The following CFDP1 variants were observed in gnomAD, a reference collection of about 807,000 sequenced individuals.
CFDP1 encodes chromatin remodeling protein CFDP1, also known as heterochromatin-stabilizing protein CFDP1.
In CFDP1, 31 loss-of-function variants were observed where a neutral mutation model predicts 40.1. The observed-to-expected ratio is 0.77, with a 90% CI of 0.58 to 1.04. The LOEUF is 1.04. CFDP1 is among the 50% of genes least tolerant of loss of function. The pLI is 0.00. For synonymous variants in CFDP1, 167 were observed against 120.0 expected (o/e 1.39, Z -2.56); for missense variants, 423 against 343.4 (o/e 1.23, Z -1.83).
intron 5 of CFDP1, among the ~76,000 whole-genome samples, chr16:75,354,869 C>G (rs1286088588): frequency 6.6e-6 from 1 of 152,074 alleles, no homozygotes; most frequent in Non-Finnish European, 1.5e-5. Flanking sequence ...TGTACCACTG[C>G]CAAATATAAG....
intron 5 of CFDP1, among the ~76,000 whole-genome samples, chr16:75,327,290 C>G (rs1039493072): frequency 2.0e-5 from 3 of 151,888 alleles, no homozygotes; most frequent in African/African-American, 7.3e-5. Flanking sequence ...AAACAAAAAA[C>G]CAGGGGAATA....
chr16:75,339,945 TCTTTG>T (rs2078515302), intron 5 of CFDP1, among the ~76,000 whole-genome samples: 1 of 152,226 alleles, frequency 6.6e-6, no homozygotes, highest in South Asian at 2.1e-4. Context: ...CAATCCATTT[TCTTTG>T]CTTTGCTTAC....
intron 5 of CFDP1, among the ~76,000 whole-genome samples, chr16:75,367,902 C>T (rs765459785): frequency 1.3e-3 from 197 of 151,700 alleles, no homozygotes; most frequent in Admixed American, 2.2e-3. Flanking sequence ...GTCAGGAGTT[C>T]GAGACCAGCC....
At chr16:75,296,516 G>C (rs1264004423) in intron 6 of CFDP1, among the ~76,000 whole-genome samples, 2 of 152,188 alleles carry the variant, frequency 1.3e-5, no homozygotes, top group Admixed American at 6.5e-5. Flanking sequence ...TTACAGGTGA[G>C]AGCCATCGGG....
intron 4 of CFDP1, among the ~76,000 whole-genome samples, chr16:75,398,421 C>A (rs180690967): frequency 5.3e-5 from 8 of 152,266 alleles, no homozygotes; most frequent in South Asian, 4.1e-4. Context: ...GTGTCATCAC[C>A]CCTTGAAAGT....
chr16:75,341,342 G>A (rs2078525336), intron 5 of CFDP1, among the ~76,000 whole-genome samples: 1 of 152,138 alleles, frequency 6.6e-6, no homozygotes, highest in South Asian at 2.1e-4. Context: ...AGTCCACAGT[G>A]GGATTCAAAG....
At chr16:75,328,815 A>G (rs2078423824) in intron 5 of CFDP1, among the ~76,000 whole-genome samples, 1 of 149,574 alleles carries the variant, frequency 6.7e-6, no homozygotes, top group East Asian at 2.0e-4. Context: ...AGTAGCTGGG[A>G]TTACAGGCAC....
chr16:75,371,612 T>C (rs2078751781), intron 5 of CFDP1, among the ~76,000 whole-genome samples: 1 of 152,208 alleles, frequency 6.6e-6, no homozygotes, highest in African/African-American at 2.4e-5. Flanking sequence ...TTTTAGTACA[T>C]AAAAATATTA....
chr16:75,420,523 A>G (rs946969888), intron 1 of CFDP1, among the ~76,000 whole-genome samples: 10 of 152,234 alleles, frequency 6.6e-5, no homozygotes, highest in Admixed American at 2.6e-4. Flanking sequence ...GCCATTATAG[A>G]AAGGGGAGTG....
intron 1 of CFDP1, among the ~76,000 whole-genome samples, chr16:75,425,203 C>G (rs560767243): frequency 6.6e-6 from 1 of 151,802 alleles, no homozygotes. Context: ...GATACTTTTT[C>G]GAGAGATGAA....
At chr16:75,348,185 C>A (rs2078583448) in intron 5 of CFDP1, among the ~76,000 whole-genome samples, 1 of 152,088 alleles carries the variant, frequency 6.6e-6, no homozygotes, top group African/African-American at 2.4e-5. Context: ...AGTGGTGATT[C>A]ACAGGAGTGA....
chr16:75,412,862 C>T (rs1387034715), intron 2 of CFDP1, 108 bp from the exon 3 acceptor site: 1 of 784,248 alleles, frequency 1.3e-6, no homozygotes, highest in Non-Finnish European at 2.1e-6. Flanking sequence ...ACTTTAAATT[C>T]TGGGACTACT....
rs1309519585 is a variant in CFDP1 at position 75,411,893 on chromosome 16, T to C, written c.462A>G (p.Leu154=). 17 of 1,612,358 alleles carry C rather than the reference T, an allele frequency of 1.1e-5. No homozygotes were observed. In the Admixed American group the frequency reaches 2.8e-4, roughly 27 times the overall value. ...CTTTTTCTGTTTCTTTAGGTTTCTCTAGCTCTTCTGCTTTTACCAACAATT... is the reference window on the plus strand; with the variant it reads ...CTTTTTCTGTTTCTTTAGGTTTCTCCAGCTCTTCTGCTTTTACCAACAATT... ...SSKLLVKAEE[L]EKPKETEKVK... is the part of the protein sequence containing the mutation. Residue 154 remains leucine, a synonymous_variant, in exon 4 of 7, where the codon CTA becomes CTG. Transcript: ENST00000283882.
intron 5 of CFDP1, among the ~76,000 whole-genome samples, chr16:75,347,019 A>G (rs2078571488): frequency 6.6e-6 from 1 of 152,086 alleles, no homozygotes; most frequent in Admixed American, 6.6e-5. Flanking sequence ...TATTAATAGC[A>G]TGAAAATGCA....
At chr16:75,430,850 G>C (rs547516388) in intron 1 of CFDP1, among the ~76,000 whole-genome samples, 1 of 152,284 alleles carries the variant, frequency 6.6e-6, no homozygotes, top group South Asian at 2.1e-4. Flanking sequence ...CAGACTTAAA[G>C]TCTGCATCGA....
At chr16:75,369,591 A>C (rs914767008) in intron 5 of CFDP1, among the ~76,000 whole-genome samples, 2 of 152,184 alleles carry the variant, frequency 1.3e-5, no homozygotes, top group Non-Finnish European at 2.9e-5. Context: ...GTTTCTTCTG[A>C]TGAAACTGGA....
At chr16:75,388,386 C>A (rs1012029064) in intron 5 of CFDP1, among the ~76,000 whole-genome samples, 8 of 152,088 alleles carry the variant, frequency 5.3e-5, no homozygotes, top group Non-Finnish European at 1.0e-4. Context: ...ATCTAGAGAA[C>A]AAATTGTTTC....
intron 6 of CFDP1, among the ~76,000 whole-genome samples, chr16:75,297,981 C>G (rs1027926897): frequency 6.6e-6 from 1 of 152,176 alleles, no homozygotes; most frequent in Non-Finnish European, 1.5e-5. Flanking sequence ...AAACCAGAAA[C>G]TTTTAAAGCA....
chr16:75,404,545 G>C (rs2079082701), intron 4 of CFDP1, among the ~76,000 whole-genome samples: 1 of 152,058 alleles, frequency 6.6e-6, no homozygotes, highest in Admixed American at 6.6e-5. Flanking sequence ...TTAAGATACT[G>C]GTGGCCTAAC....
Sources: gnomAD v4.1 joint callset for allele counts (sites outside exome capture counted in the v4.1 genomes callset) on GRCh38, gnomAD v4.1.1 for gene constraint, MANE v1.5 for transcripts, NCBI Gene and HGNC (gene_info 2026-07-23, HGNC 2026-07-21) for gene names.